Variants in PALD1 observed in about 807,000 individuals in gnomAD.
The protein encoded by PALD1 is paladin.
A neutral mutation model predicts 96.0 loss-of-function variants in PALD1; 57 were observed. That is an observed-to-expected ratio of 0.59 (90% confidence interval 0.48 to 0.74). PALD1 has a LOEUF of 0.74. Ranked by LOEUF, PALD1 falls within the 30% of genes least tolerant of loss-of-function variation. The pLI is 0.00. For synonymous variants in PALD1, 464 were observed against 473.6 expected (o/e 0.98, Z 0.26); for missense variants, 1,063 against 1,143.7 (o/e 0.93, Z 1.02).
Position 70,540,991 on chromosome 10 carries a change from C to T in PALD1, c.1909-111C>T, listed in dbSNP as rs1847230461. 2.4e-6 allele frequency: 3 copies of T among 1,241,658 alleles called. No homozygotes were observed. The highest frequency in any genetic ancestry group is 3.0e-5 in the African/African-American group (2 of 66,170). 76.9% of individuals were successfully genotyped at this position (1,241,658 alleles called of 1,614,324 possible). A position where few individuals can be genotyped will look rare whatever the true frequency, so the allele number is the denominator to read the frequency against. On this transcript the variant is annotated intron_variant, in intron 15 of 19. Transcript: ENST00000263563. This position sits in a 1 kb window ranked among gnomAD's most constrained non-coding sequence, Gnocchi z 4.2. ...TGTGTGTGCAAGCTTGGGAGCCTGACAATTTCTGGCCCGAGGACAGTGGCT... is the reference window on the plus strand; with the variant it reads ...TGTGTGTGCAAGCTTGGGAGCCTGATAATTTCTGGCCCGAGGACAGTGGCT...
chr10:70,540,882 G>C lies in PALD1; in HGVS notation c.1909-220G>C, dbSNP rs540344613. Among the ~76,000 whole-genome samples, 68 of 152,350 alleles carry C rather than the reference G, an allele frequency of 4.5e-4. No individual in the cohort carries two copies. Among genetic ancestry groups the C allele is most frequent in the Admixed American group, 1.7e-3 (26 of 15,310 alleles). On this transcript the variant is annotated intron_variant, in intron 15 of 19. Transcript: ENST00000263563. The surrounding 1 kb of genome is among the most constrained non-coding windows in gnomAD (Gnocchi z 4.2). The stretch of plus-strand genomic sequence containing the variant: ...TGTGTTGGCTCACACATCCTGTCCA[G>C]GTGCTTGGTGTGAGGGTGATTACGA...
chr10:70,503,025 C>T (rs1250104132), intron 1 of PALD1, among the ~76,000 whole-genome samples: 1 of 152,078 alleles, frequency 6.6e-6, no homozygotes, highest in Non-Finnish European at 1.5e-5. Context: ...GGATTACAGG[C>T]ATGCACCACC....
At chr10:70,557,752 C>CA (rs1442047791) in intron 18 of PALD1, among the ~76,000 whole-genome samples, 19 of 152,038 alleles carry the variant, frequency 1.2e-4, no homozygotes, top group Non-Finnish European at 1.0e-4. Context: ...TGGGGACTGT[C>CA]ACTTGCCTCC....
intron 2 of PALD1, among the ~76,000 whole-genome samples, chr10:70,529,010 T>A (rs115151601): frequency 0.011 from 1,630 of 152,070 alleles, 27 homozygotes; most frequent in African/African-American, 0.034. Context: ...GGCTGGGAAA[T>A]GTAGTCTTCA....
chr10:70,568,447 G>A lies in PALD1; in HGVS notation c.*1714G>A, dbSNP rs1037346971. 7.3e-6 allele frequency: 1 copy of A among 137,918 alleles called. No individual in the cohort carries two copies. The highest frequency in any genetic ancestry group is 1.5e-5 in the Non-Finnish European group (1 of 65,302). 8.5% of individuals were successfully genotyped at this position (137,918 alleles called of 1,614,324 possible). The stretch of plus-strand genomic sequence containing the variant: ...TTTTAAGCATTAAAAACAGCTAAAT[G>A]TGAGTGCACCTGGCTGCTAATATGT... On this transcript the variant is annotated 3_prime_UTR_variant, in exon 20 of 20. Transcript: ENST00000263563.
chr10:70,540,708 G>A lies in PALD1; in HGVS notation c.1909-394G>A, dbSNP rs976857013. 2.0e-5 allele frequency among the ~76,000 whole-genome samples: 3 copies of A among 152,170 alleles called. No homozygotes were observed. Among genetic ancestry groups the A allele is most frequent in the East Asian group, 1.9e-4 (1 of 5,198 alleles). On this transcript the variant is annotated intron_variant, in intron 15 of 19. Transcript: ENST00000263563. This position sits in a 1 kb window ranked among gnomAD's most constrained non-coding sequence, Gnocchi z 4.2. Reference sequence around the variant, plus strand: ...AGGGCTCTTCTGAGGTCAGGCCCCCGTCCATGGTGGGACCAGGGCTGGGTC... The same window carrying A: ...AGGGCTCTTCTGAGGTCAGGCCCCCATCCATGGTGGGACCAGGGCTGGGTC...
chr10:70,560,704 C>T (rs1290368675), intron 18 of PALD1, among the ~76,000 whole-genome samples: 1 of 151,958 alleles, frequency 6.6e-6, no homozygotes, highest in East Asian at 1.9e-4. Flanking sequence ...CCCCTGCTGG[C>T]ACTGCTGGGC....
chr10:70,464,156 T>C, the PALD1 span, among the ~76,000 whole-genome samples: 1 of 151,512 alleles, frequency 6.6e-6, no homozygotes, highest in Non-Finnish European at 1.5e-5. Flanking sequence ...ATTTTGCCTG[T>C]CCCTGGACTT....
chr10:70,470,261 A>G, the PALD1 span, among the ~76,000 whole-genome samples: 1 of 152,244 alleles, frequency 6.6e-6, no homozygotes, highest in East Asian at 1.9e-4. Context: ...TATCTGGACA[A>G]TGGGTGTATA....
At chr10:70,508,294 G>C (rs1846435025) in intron 1 of PALD1, among the ~76,000 whole-genome samples, 1 of 152,206 alleles carries the variant, frequency 6.6e-6, no homozygotes. Flanking sequence ...CCAGTAAGAT[G>C]CTCCTCGGCT....
intron 1 of PALD1, among the ~76,000 whole-genome samples, chr10:70,497,180 TTG>T (rs1846208451): frequency 1.3e-5 from 2 of 152,370 alleles, no homozygotes; most frequent in East Asian, 3.9e-4. Flanking sequence ...TTGTTGGATG[TTG>T]GTGCTGGCCA....
chr10:70,504,271 A>C (rs1394851917), intron 1 of PALD1, among the ~76,000 whole-genome samples: 1 of 152,228 alleles, frequency 6.6e-6, no homozygotes, highest in African/African-American at 2.4e-5. Context: ...TCACGCCCGT[A>C]ATCCCAGCAC....
intron 18 of PALD1, among the ~76,000 whole-genome samples, chr10:70,562,061 G>A (rs2132446431): frequency 6.6e-6 from 1 of 152,334 alleles, no homozygotes; most frequent in Middle Eastern, 3.4e-3. Context: ...GGATTAGTGA[G>A]CTTTCTGTGG....
intron 1 of PALD1, among the ~76,000 whole-genome samples, chr10:70,522,481 G>A (rs1417696228): frequency 6.6e-6 from 1 of 152,170 alleles, no homozygotes; most frequent in Non-Finnish European, 1.5e-5. Context: ...GATAATGACT[G>A]TTGTTTAGAA....
the PALD1 span, among the ~76,000 whole-genome samples, chr10:70,467,502 G>C: frequency 1.9e-4 from 29 of 152,248 alleles, no homozygotes; most frequent in African/African-American, 6.7e-4. Context: ...GTGGAGAAGG[G>C]TGAAGGACGT....
At chr10:70,495,102 T>C (rs1259562487) in intron 1 of PALD1, among the ~76,000 whole-genome samples, 2 of 152,230 alleles carry the variant, frequency 1.3e-5, no homozygotes, top group Non-Finnish European at 2.9e-5. Context: ...TTCAGTTCTG[T>C]GTTCTTCCCA....
At chr10:70,506,440 G>T (rs2132305011) in intron 1 of PALD1, among the ~76,000 whole-genome samples, 1 of 152,280 alleles carries the variant, frequency 6.6e-6, no homozygotes, top group African/African-American at 2.4e-5. Context: ...GGGGTCTGTG[G>T]AGCCTGCTTT....
intron 18 of PALD1, among the ~76,000 whole-genome samples, chr10:70,551,597 A>G (rs775860144): frequency 2.6e-5 from 4 of 152,078 alleles, no homozygotes; most frequent in Non-Finnish European, 4.4e-5. Context: ...CTCACTCCCC[A>G]GAGCCCCCAA....
At chr10:70,563,806 C>T (rs1262738495) in intron 18 of PALD1, among the ~76,000 whole-genome samples, 2 of 152,198 alleles carry the variant, frequency 1.3e-5, no homozygotes, top group Admixed American at 6.5e-5. Flanking sequence ...GATTGATGTG[C>T]GTCCACACGG....
Sources: allele counts gnomAD v4.1 joint callset (sites outside exome capture counted in the v4.1 genomes callset), GRCh38; gene constraint gnomAD v4.1.1; non-coding constraint Gnocchi (gnomAD v3.1); transcripts MANE v1.5; gene names NCBI Gene and HGNC (gene_info 2026-07-23, HGNC 2026-07-21).